The following ROBO2 variants were observed in gnomAD, a reference collection of about 807,000 sequenced individuals.
The protein encoded by ROBO2 is roundabout homolog 2.
ROBO2 carries 53 observed loss-of-function variants against 160.8 expected under a neutral mutation model. The ratio of observed to expected loss-of-function variants is 0.33; its 90% CI spans 0.26 to 0.41. The LOEUF is 0.41. Ranked by LOEUF, ROBO2 falls within the 10% of genes least tolerant of loss-of-function variation. The pLI, the probability that ROBO2 is intolerant of heterozygous loss-of-function variation, is 1.00. For missense variants in ROBO2, 1,577 were observed against 1,722.4 expected, an observed-to-expected ratio of 0.92 and a Z score of 1.49; for synonymous variants, 664 against 611.7, an observed-to-expected ratio of 1.09 and a Z score of -1.26.
intron 2 of ROBO2, among the ~76,000 whole-genome samples, chr3:76,429,787 A>T (rs1559932105): frequency 6.6e-6 from 1 of 152,188 alleles, no homozygotes; most frequent in Non-Finnish European, 1.5e-5. Context: ...ATTTTCTTCC[A>T]GGGCTCTGGT....
chr3:76,836,997 A>G (rs2067758289), intron 2 of ROBO2, among the ~76,000 whole-genome samples: 1 of 151,106 alleles, frequency 6.6e-6, no homozygotes, highest in African/African-American at 2.4e-5. Flanking sequence ...ATATCTGACT[A>G]TAATTGTGAA....
intron 2 of ROBO2, among the ~76,000 whole-genome samples, chr3:77,252,807 CAAAAA>C (rs1182786373): frequency 9.7e-4 from 31 of 32,022 alleles, no homozygotes; most frequent in Admixed American, 2.7e-3. Context: ...GACTCCATCT[CAAAAA>C]AAAAAAAAAA....
intron 2 of ROBO2, among the ~76,000 whole-genome samples, chr3:76,089,302 A>G (rs2069134834): frequency 1.3e-5 from 2 of 152,094 alleles, no homozygotes; most frequent in Admixed American, 6.6e-5. Flanking sequence ...TTTGGGAGAC[A>G]AAAACAAAGG....
At chr3:76,492,130 A>G (rs576979130) in intron 2 of ROBO2, among the ~76,000 whole-genome samples, 2 of 152,220 alleles carry the variant, frequency 1.3e-5, no homozygotes, top group African/African-American at 4.8e-5. Context: ...AACGAACAAA[A>G]AAAAACACCC....
intron 6 of ROBO2, among the ~76,000 whole-genome samples, chr3:77,523,906 A>G: frequency 6.6e-6 from 1 of 151,252 alleles, no homozygotes; most frequent in Middle Eastern, 3.2e-3. Flanking sequence ...CTTTGCTCCC[A>G]AAGAGATTCA....
chr3:76,804,222 G>A (rs908559544), intron 2 of ROBO2, among the ~76,000 whole-genome samples: 1 of 152,162 alleles, frequency 6.6e-6, no homozygotes, highest in African/African-American at 2.4e-5. Flanking sequence ...GGGCTAGTGG[G>A]TTACTAGTTA....
intron 2 of ROBO2, among the ~76,000 whole-genome samples, chr3:76,927,437 G>A (rs756891737): frequency 2.0e-5 from 3 of 152,070 alleles, no homozygotes; most frequent in Non-Finnish European, 4.4e-5. Flanking sequence ...ATTCCAAAGA[G>A]CATAGCAGTG....
intron 2 of ROBO2, among the ~76,000 whole-genome samples, chr3:76,088,903 G>GA (rs1218654655): frequency 6.6e-6 from 1 of 151,806 alleles, no homozygotes; most frequent in Non-Finnish European, 1.5e-5. Context: ...TATCAATAGA[G>GA]AAAATCAATG....
intron 2 of ROBO2, among the ~76,000 whole-genome samples, chr3:76,944,827 G>A (rs2078414264): frequency 1.3e-5 from 2 of 152,008 alleles, no homozygotes; most frequent in African/African-American, 2.4e-5. Context: ...AGATGGCCAC[G>A]TATTCTTTAA....
At chr3:76,235,712 G>A (rs567225101) in intron 2 of ROBO2, among the ~76,000 whole-genome samples, 13 of 152,282 alleles carry the variant, frequency 8.5e-5, no homozygotes, top group African/African-American at 3.1e-4. Context: ...TGCTTAGAGA[G>A]AAAAGTTCCA....
At chr3:76,025,302 G>T (rs2066706725) in intron 2 of ROBO2, among the ~76,000 whole-genome samples, 1 of 151,610 alleles carries the variant, frequency 6.6e-6, no homozygotes, top group South Asian at 2.1e-4. Context: ...GGAATTAGAG[G>T]GTGTTACGTA....
chr3:77,488,043 A>G (rs920411813), intron 4 of ROBO2, among the ~76,000 whole-genome samples: 2 of 152,162 alleles, frequency 1.3e-5, no homozygotes, highest in East Asian at 1.9e-4. Context: ...GTTAAATTGT[A>G]TATTTGCTTT....
At chr3:75,916,113 C>T (rs191670378) in intron 1 of ROBO2, among the ~76,000 whole-genome samples, 61 of 152,156 alleles carry the variant, frequency 4.0e-4, no homozygotes, top group Admixed American at 6.5e-4. Context: ...ACCACTAAAG[C>T]GGTACATGAA....
intron 2 of ROBO2, among the ~76,000 whole-genome samples, chr3:76,316,552 T>G (rs910902534): frequency 4.6e-5 from 7 of 152,186 alleles, no homozygotes; most frequent in Admixed American, 2.0e-4. Flanking sequence ...TGCACTGATA[T>G]CATATTGTTG....
intron 2 of ROBO2, among the ~76,000 whole-genome samples, chr3:76,498,751 C>T (rs141202974): frequency 0.011 from 1,639 of 147,184 alleles, 26 homozygotes; most frequent in African/African-American, 0.038. Flanking sequence ...GGCACAATCT[C>T]GACTCACTGC....
chr3:76,916,415 C>G (rs571660063), intron 2 of ROBO2, among the ~76,000 whole-genome samples: 13 of 152,066 alleles, frequency 8.5e-5, no homozygotes, highest in Non-Finnish European at 1.6e-4. Flanking sequence ...AATCTCAGCT[C>G]ACTGCAGCCT....
chr3:77,515,988 G>A (rs971237758), intron 5 of ROBO2, among the ~76,000 whole-genome samples: 2 of 151,526 alleles, frequency 1.3e-5, no homozygotes, highest in African/African-American at 2.4e-5. Context: ...CATAATAAAA[G>A]AGTATTTTTA....
chr3:76,678,977 T>C (rs552998485), intron 2 of ROBO2, among the ~76,000 whole-genome samples: 1 of 152,200 alleles, frequency 6.6e-6, no homozygotes, highest in Non-Finnish European at 1.5e-5. Flanking sequence ...AGGCTAGCTC[T>C]AGTCACATGT....
At chr3:76,015,893 T>G (rs1307215423) in intron 2 of ROBO2, among the ~76,000 whole-genome samples, 1 of 152,248 alleles carries the variant, frequency 6.6e-6, no homozygotes, top group Non-Finnish European at 1.5e-5. Flanking sequence ...CTTAAAAATC[T>G]ATTCTCTATT....
Sources: gnomAD v4.1 joint callset for allele counts (sites outside exome capture counted in the v4.1 genomes callset) on GRCh38, gnomAD v4.1.1 for gene constraint, MANE v1.5 for transcripts, NCBI Gene and HGNC (gene_info 2026-07-23, HGNC 2026-07-21) for gene names.